Variants in UGT1A6 observed in about 807,000 individuals in gnomAD.
The protein encoded by UGT1A6 is UDP-glucuronosyltransferase 1A6.
In UGT1A6, 32 loss-of-function variants were observed where a neutral mutation model predicts 44.4. The ratio of observed to expected loss-of-function variants is 0.72; its 90% CI spans 0.54 to 0.97. The LOEUF (loss-of-function observed/expected upper bound fraction) is 0.97. Ranked by LOEUF, UGT1A6 falls within the 50% of genes least tolerant of loss-of-function variation. The pLI is 0.00. For synonymous variants in UGT1A6, 238 were observed against 248.5 expected (o/e 0.96, Z 0.40); for missense variants, 685 against 661.9 (o/e 1.03, Z -0.38).
At chr2:233,724,328 G>T (rs1446487590) in intron 1 of UGT1A6, among the ~76,000 whole-genome samples, 9 of 147,968 alleles carry the variant, frequency 6.1e-5, no homozygotes, top group South Asian at 2.3e-4. Context: ...CGGCTGGCCA[G>T]GCGGGGGGCT....
chr2:233,737,988 G>A (rs1334321954), intron 1 of UGT1A6, among the ~76,000 whole-genome samples: 1 of 152,024 alleles, frequency 6.6e-6, no homozygotes, highest in African/African-American at 2.4e-5. Context: ...GTTTGGCTCT[G>A]TGTCCCCCAC....
chr2:233,735,517 G>A (rs2078663232), intron 1 of UGT1A6, among the ~76,000 whole-genome samples: 1 of 152,112 alleles, frequency 6.6e-6, no homozygotes, highest in Non-Finnish European at 1.5e-5. Context: ...TACATTTAAG[G>A]TAAATATTGT....
intron 1 of UGT1A6, among the ~76,000 whole-genome samples, chr2:233,732,928 C>A (rs2078337101): frequency 6.6e-6 from 1 of 152,058 alleles, no homozygotes; most frequent in African/African-American, 2.4e-5. Flanking sequence ...GATATTGATT[C>A]TTCCTATCCA....
At chr2:233,695,446 G>T (rs1452804624) in intron 1 of UGT1A6, among the ~76,000 whole-genome samples, 1 of 150,492 alleles carries the variant, frequency 6.6e-6, no homozygotes, top group Non-Finnish European at 1.5e-5. Context: ...TTTTTTTTTT[G>T]ATCAACGTGC....
At chr2:233,771,176 C>T (rs887864017) in intron 4 of UGT1A6, 17 of 152,256 alleles carry the variant, frequency 1.1e-4, no homozygotes, top group African/African-American at 3.6e-4. Context: ...CTGGGGATTA[C>T]AATTCAACAT....
intron 1 of UGT1A6, chr2:233,721,896 G>A (rs1237120239): frequency 1.5e-5 from 7 of 474,202 alleles, no homozygotes; most frequent in South Asian, 3.1e-5. Context: ...TTGCAATATC[G>A]AAATGGTGCA....
intron 1 of UGT1A6, among the ~76,000 whole-genome samples, chr2:233,694,715 G>A (rs544812822): frequency 6.6e-6 from 1 of 152,114 alleles, no homozygotes; most frequent in Admixed American, 6.6e-5. Flanking sequence ...TACACCTGCT[G>A]ATTTCTCTGT....
rs548170918 is a variant in UGT1A6, at chr2:233,735,411, T to G, written c.862-31623T>G. ...TTTTGAGCCTATGTGTGTCTCTGCA[T>G]GTGAGATAGGCCTCCTGAATACAGC... On this transcript the variant is annotated intron_variant, in intron 1 of 4. Coordinates refer to ENST00000305139, the MANE Select transcript of UGT1A6 (RefSeq NM_001072.4). 2.6e-5 allele frequency among the ~76,000 whole-genome samples: 4 copies of G among 152,294 alleles called. 1 individual carries two copies. In the Middle Eastern group the frequency reaches 0.014, roughly 518 times the overall value.
At chr2:233,743,679 C>T (rs773832305) in intron 1 of UGT1A6, 13 of 1,367,098 alleles carry the variant, frequency 9.5e-6, no homozygotes, top group African/African-American at 5.9e-5. Flanking sequence ...AAGGGCCTGC[C>T]GCCTGTGCAG....
chr2:233,703,922 A>G (rs2125594260), intron 1 of UGT1A6, among the ~76,000 whole-genome samples: 1 of 151,456 alleles, frequency 6.6e-6, no homozygotes, highest in East Asian at 1.9e-4. Flanking sequence ...ACAAAATCTC[A>G]TTCTGTTACC....
intron 1 of UGT1A6, among the ~76,000 whole-genome samples, chr2:233,748,510 G>A (rs1250005538): frequency 1.3e-5 from 2 of 151,856 alleles, no homozygotes; most frequent in Non-Finnish European, 2.9e-5. Context: ...TAGTGGTCCT[G>A]TCTTGCGAAT....
chr2:233,767,558 C>G (rs1283373150), intron 2 of UGT1A6, among the ~76,000 whole-genome samples: 3 of 152,208 alleles, frequency 2.0e-5, no homozygotes, highest in African/African-American at 7.2e-5. Context: ...TCTGCATCCA[C>G]TTGTTTCATT....
chr2:233,722,354 A>G (rs2077008868), intron 1 of UGT1A6, among the ~76,000 whole-genome samples: 2 of 152,262 alleles, frequency 1.3e-5, no homozygotes, highest in African/African-American at 4.8e-5. Flanking sequence ...CTACAAATAT[A>G]CAAGACTAAA....
At chr2:233,756,596 T>C (rs985647767) in intron 1 of UGT1A6, among the ~76,000 whole-genome samples, 4 of 152,230 alleles carry the variant, frequency 2.6e-5, no homozygotes, top group African/African-American at 7.2e-5. Context: ...CTATTTACTG[T>C]ATCGAAACCA....
At chr2:233,723,984 CCGCCTTTCT>C (rs1314945551) in intron 1 of UGT1A6, among the ~76,000 whole-genome samples, 116 of 66,216 alleles carry the variant, frequency 1.8e-3, no homozygotes, top group South Asian at 2.6e-3. Context: ...CCCACCTTTC[CCGCCTTTCT>C]ATTCCACAAA....
At chr2:233,765,900 A>G (rs1255156851) in intron 1 of UGT1A6, among the ~76,000 whole-genome samples, 1 of 152,060 alleles carries the variant, frequency 6.6e-6, no homozygotes, top group Non-Finnish European at 1.5e-5. Flanking sequence ...GCCACTGCTC[A>G]AACCTCTAGG....
intron 1 of UGT1A6, among the ~76,000 whole-genome samples, chr2:233,717,003 A>G (rs932364808): frequency 5.3e-5 from 8 of 152,104 alleles, no homozygotes; most frequent in African/African-American, 1.4e-4. Flanking sequence ...CAGGGCCCCT[A>G]TGTCTCTGAA....
intron 1 of UGT1A6, chr2:233,754,890 C>T (rs1695628658): frequency 1.5e-6 from 2 of 1,351,546 alleles, no homozygotes; most frequent in Non-Finnish European, 2.0e-6. Context: ...CAGGGAGTTC[C>T]TCTGACCCCC....
chr2:233,696,904 A>G (rs774009523), intron 1 of UGT1A6, among the ~76,000 whole-genome samples: 9 of 152,174 alleles, frequency 5.9e-5, no homozygotes, highest in African/African-American at 1.9e-4. Flanking sequence ...AATTCTGTCA[A>G]TGTATTCATA....
Sources: allele counts gnomAD v4.1 joint callset (sites outside exome capture counted in the v4.1 genomes callset), GRCh38; gene constraint gnomAD v4.1.1; transcripts MANE v1.5; gene names NCBI Gene and HGNC (gene_info 2026-07-23, HGNC 2026-07-21).